PDHX: variants seen among roughly 807,000 people sequenced by gnomAD.
The protein encoded by PDHX is pyruvate dehydrogenase complex component X, also known as pyruvate dehydrogenase protein X component, mitochondrial.
A neutral mutation model predicts 55.3 loss-of-function variants in PDHX; 33 were observed. The observed-to-expected ratio is 0.60, with a 90% CI of 0.45 to 0.80. PDHX has a LOEUF of 0.80. PDHX is among the 30% of genes least tolerant of loss of function. The pLI, the probability that PDHX is intolerant of heterozygous loss-of-function variation, is 0.00. For synonymous variants in PDHX, 226 were observed against 219.4 expected (o/e 1.03, Z -0.27); for missense variants, 622 against 619.9 (o/e 1.00, Z -0.04).
intron 5 of PDHX, among the ~76,000 whole-genome samples, chr11:34,964,058 G>A (rs991561776): frequency 1.3e-5 from 2 of 152,312 alleles, no homozygotes; most frequent in African/African-American, 2.4e-5. Context: ...AGAGAAGGTT[G>A]TACCTGAGTT....
At chr11:34,990,572 T>TA (rs1251385840) in intron 9 of PDHX, among the ~76,000 whole-genome samples, 3 of 152,316 alleles carry the variant, frequency 2.0e-5, no homozygotes, top group South Asian at 4.1e-4. Flanking sequence ...CATCTGCCTT[T>TA]AAAAAATGCC....
At chr11:34,963,384 T>C (rs1855061564) in intron 5 of PDHX, among the ~76,000 whole-genome samples, 1 of 152,156 alleles carries the variant, frequency 6.6e-6, no homozygotes, top group African/African-American at 2.4e-5. Context: ...GCTGAAGTGG[T>C]CCTATCACCT....
At chr11:34,923,606 C>T (rs1304300752) in intron 1 of PDHX, among the ~76,000 whole-genome samples, 1 of 149,036 alleles carries the variant, frequency 6.7e-6, no homozygotes, top group Non-Finnish European at 1.5e-5. Context: ...AATACTAGTA[C>T]AGATTTTTTT....
At chr11:34,967,620 T>C (rs1014061971) in intron 6 of PDHX, among the ~76,000 whole-genome samples, 1 of 152,200 alleles carries the variant, frequency 6.6e-6, no homozygotes, top group Non-Finnish European at 1.5e-5. Flanking sequence ...CCATTTTGCC[T>C]CTCTGTGCCT....
intron 9 of PDHX, 110 bp downstream of exon 9, chr11:34,984,838 TG>T: frequency 9.7e-7 from 1 of 1,030,552 alleles, no homozygotes; most frequent in Non-Finnish European, 1.5e-6. Context: ...TTTGTGTGTG[TG>T]AAGGGGAGAG....
chr11:34,983,217 TCAA>T (rs1855558843), intron 8 of PDHX, among the ~76,000 whole-genome samples: 1 of 152,244 alleles, frequency 6.6e-6, no homozygotes, highest in South Asian at 2.1e-4. Flanking sequence ...TTGACAAAAT[TCAA>T]CAACACTTCA....
chr11:34,919,902 A>T (rs1196906676), intron 1 of PDHX, among the ~76,000 whole-genome samples: 3 of 152,236 alleles, frequency 2.0e-5, no homozygotes, highest in Non-Finnish European at 2.9e-5. Context: ...TAGCTCCTGG[A>T]CATGCAATCC....
At chr11:34,985,450 T>C (rs1162948194) in intron 9 of PDHX, among the ~76,000 whole-genome samples, 1 of 152,062 alleles carries the variant, frequency 6.6e-6, no homozygotes, top group Admixed American at 6.5e-5. Context: ...AAAAAAGAAA[T>C]GGACGTAATG....
chr11:34,915,973 T>C, upstream of PDHX: 1 of 577,088 alleles, frequency 1.7e-6, no homozygotes, highest in Non-Finnish European at 3.0e-6. Flanking sequence ...CTCTCAGTTA[T>C]TTGCTTCTTT....
intron 3 of PDHX, among the ~76,000 whole-genome samples, chr11:34,956,390 C>A (rs1854906729): frequency 6.6e-6 from 1 of 152,114 alleles, no homozygotes; most frequent in South Asian, 2.1e-4. Context: ...TTATGCTTTT[C>A]CTTACCATTA....
At chr11:34,974,624 C>A (rs1855327822) in intron 7 of PDHX, among the ~76,000 whole-genome samples, 2 of 152,082 alleles carry the variant, frequency 1.3e-5, no homozygotes, top group African/African-American at 4.8e-5. Flanking sequence ...TTTTGCATTC[C>A]CACTAATGGC....
intron 9 of PDHX, 167 bp downstream of exon 9, chr11:34,984,895 T>A: frequency 1.5e-6 from 1 of 655,102 alleles, no homozygotes; most frequent in Non-Finnish European, 2.6e-6. Flanking sequence ...TTTTAAAGTT[T>A]TTATCCAAGT....
intron 5 of PDHX, among the ~76,000 whole-genome samples, chr11:34,962,816 A>G (rs551871341): frequency 3.9e-5 from 6 of 152,322 alleles, no homozygotes; most frequent in Admixed American, 1.3e-4. Context: ...TAATACATAT[A>G]TGATGCGCAA....
intron 2 of PDHX, among the ~76,000 whole-genome samples, chr11:34,944,321 T>G (rs913140051): frequency 1.2e-4 from 18 of 152,090 alleles, no homozygotes; most frequent in African/African-American, 4.3e-4. Context: ...GGTTTCACAA[T>G]GTTGGCCAGG....
chr11:34,987,575 T>G (rs1272357976), intron 9 of PDHX, among the ~76,000 whole-genome samples: 1 of 152,132 alleles, frequency 6.6e-6, no homozygotes, highest in Admixed American at 6.6e-5. Context: ...TGGTTTATCT[T>G]GTAAGCATGA....
At chr11:34,983,769 A>G (rs1262671687) in intron 8 of PDHX, among the ~76,000 whole-genome samples, 1 of 152,216 alleles carries the variant, frequency 6.6e-6, no homozygotes, top group Non-Finnish European at 1.5e-5. Context: ...TCGATGAAAT[A>G]AAAGAGAATA....
intron 5 of PDHX, among the ~76,000 whole-genome samples, chr11:34,963,913 T>G (rs1458585254): frequency 6.6e-6 from 1 of 152,214 alleles, no homozygotes; most frequent in African/African-American, 2.4e-5. Flanking sequence ...ATCATAGTTG[T>G]AGTAATGTTT....
intron 7 of PDHX, among the ~76,000 whole-genome samples, chr11:34,977,535 TA>T (rs757550148): frequency 6.6e-6 from 1 of 152,178 alleles, no homozygotes; most frequent in Non-Finnish European, 1.5e-5. Flanking sequence ...TGGCTTTTGT[TA>T]TATCCTGTTT....
intron 7 of PDHX, among the ~76,000 whole-genome samples, chr11:34,973,088 C>T (rs183935997): frequency 2.9e-4 from 44 of 152,204 alleles, no homozygotes; most frequent in Admixed American, 2.2e-3. Context: ...TCAGCTCTGT[C>T]GGTTTTTGCT....
Sources: allele counts gnomAD v4.1 joint callset (sites outside exome capture counted in the v4.1 genomes callset), GRCh38; gene constraint gnomAD v4.1.1; transcripts MANE v1.5; gene names NCBI Gene and HGNC (gene_info 2026-07-23, HGNC 2026-07-21).